ARHGAP12: variants seen among roughly 807,000 people sequenced by gnomAD.
ARHGAP12 encodes the protein rho GTPase-activating protein 12.
ARHGAP12 carries 64 observed loss-of-function variants against 108.6 expected under a neutral mutation model. The ratio of observed to expected loss-of-function variants is 0.59; its 90% CI spans 0.48 to 0.73. The LOEUF (loss-of-function observed/expected upper bound fraction) is 0.73, where lower values mean the gene tolerates loss of function less well. ARHGAP12 is among the 30% of genes least tolerant of loss of function. The pLI is 0.00. For synonymous variants in ARHGAP12, 312 were observed against 337.2 expected (o/e 0.93, Z 0.82); for missense variants, 940 against 1,005.9 (o/e 0.93, Z 0.89).
chr10:31,917,167 T>TG (rs370893394), intron 1 of ARHGAP12, among the ~76,000 whole-genome samples: 7,939 of 151,736 alleles, frequency 0.052, 686 homozygotes, highest in African/African-American at 0.18. Context: ...CCCAGCACTT[T>TG]GGGGGGCTGA....
At chr10:31,900,212 C>T (rs1302454387) in intron 3 of ARHGAP12, among the ~76,000 whole-genome samples, 1 of 152,142 alleles carries the variant, frequency 6.6e-6, no homozygotes, top group Non-Finnish European at 1.5e-5. Context: ...ACTAGTAATA[C>T]CAAATGCTCG....
At chr10:31,861,172 T>G (rs1837098763) in intron 4 of ARHGAP12, among the ~76,000 whole-genome samples, 1 of 152,220 alleles carries the variant, frequency 6.6e-6, no homozygotes, top group South Asian at 2.1e-4. Context: ...AACCCAGTTC[T>G]GGAACTAGTA....
intron 6 of ARHGAP12, among the ~76,000 whole-genome samples, chr10:31,848,386 T>G (rs1055110337): frequency 3.9e-5 from 6 of 152,230 alleles, no homozygotes; most frequent in Non-Finnish European, 7.3e-5. Flanking sequence ...TTGACAGCAT[T>G]CAAAGCATAT....
At chr10:31,838,699 C>T (rs1377872616) in intron 9 of ARHGAP12, among the ~76,000 whole-genome samples, 2 of 151,670 alleles carry the variant, frequency 1.3e-5, no homozygotes, top group Admixed American at 6.6e-5. Context: ...GGTGTTGTGG[C>T]GCATGCCTGT....
intron 1 of ARHGAP12, among the ~76,000 whole-genome samples, chr10:31,928,174 G>GCGCACACA (rs149445215): frequency 4.0e-5 from 6 of 149,296 alleles, no homozygotes; most frequent in Non-Finnish European, 6.0e-5. Context: ...GGCCTTTTGC[G>GCGCACACA]CACACACACA....
chr10:31,892,894 A>C (rs1838512776), intron 3 of ARHGAP12, among the ~76,000 whole-genome samples: 1 of 152,192 alleles, frequency 6.6e-6, no homozygotes, highest in Admixed American at 6.5e-5. Context: ...AATTATAACA[A>C]ACTGTCTCTC....
At chr10:31,919,697 A>T (rs1839709775) in intron 1 of ARHGAP12, among the ~76,000 whole-genome samples, 1 of 151,566 alleles carries the variant, frequency 6.6e-6, no homozygotes. Context: ...AGGCTGAGGC[A>T]GGAGAATGGT....
intron 10 of ARHGAP12, among the ~76,000 whole-genome samples, chr10:31,827,482 C>A (rs899529600): frequency 4.5e-4 from 69 of 152,206 alleles, no homozygotes; most frequent in African/African-American, 1.4e-3. Context: ...TATAGCCAAA[C>A]ATATGGCCAA....
At chr10:31,845,715 G>A (rs559520533) in intron 6 of ARHGAP12, among the ~76,000 whole-genome samples, 1 of 152,244 alleles carries the variant, frequency 6.6e-6, no homozygotes, top group Non-Finnish European at 1.5e-5. Context: ...AATCTGGGAG[G>A]TGGAAGCTGC....
intron 6 of ARHGAP12, among the ~76,000 whole-genome samples, chr10:31,849,834 T>C (rs776579402): frequency 6.6e-6 from 1 of 152,228 alleles, no homozygotes; most frequent in Non-Finnish European, 1.5e-5. Flanking sequence ...TTTGAGGTCT[T>C]GATTCAGTCT....
At chr10:31,819,079 T>C (rs1835314899) in intron 12 of ARHGAP12, among the ~76,000 whole-genome samples, 1 of 151,896 alleles carries the variant, frequency 6.6e-6, no homozygotes, top group Non-Finnish European at 1.5e-5. Context: ...ATTGTAATTA[T>C]CTAATGAGAG....
intron 15 of ARHGAP12, 163 bp downstream of exon 15, chr10:31,812,544 A>G (rs1429740323): frequency 1.1e-5 from 5 of 470,544 alleles, no homozygotes; most frequent in African/African-American, 1.0e-4. Flanking sequence ...TAAACTTTCA[A>G]AAAAACTATT....
intron 3 of ARHGAP12, among the ~76,000 whole-genome samples, chr10:31,898,015 T>A (rs1455242969): frequency 1.3e-5 from 2 of 152,040 alleles, no homozygotes; most frequent in African/African-American, 4.8e-5. Flanking sequence ...TCCCAGCTAC[T>A]TGGGAGGCTG....
intron 1 of ARHGAP12, among the ~76,000 whole-genome samples, chr10:31,920,365 G>C (rs920497865): frequency 2.1e-5 from 3 of 142,774 alleles, no homozygotes; most frequent in Admixed American, 7.6e-5. Flanking sequence ...CAGGAGAATC[G>C]CTTGAACCCA....
chr10:31,841,279 C>T (rs1278478897), intron 7 of ARHGAP12, among the ~76,000 whole-genome samples: 1 of 152,040 alleles, frequency 6.6e-6, no homozygotes, highest in Non-Finnish European at 1.5e-5. Flanking sequence ...CATACACACA[C>T]AGACATACGG....
chr10:31,928,479 C>T (rs1035091535), intron 1 of ARHGAP12, among the ~76,000 whole-genome samples: 1 of 151,312 alleles, frequency 6.6e-6, no homozygotes, highest in African/African-American at 2.4e-5. Context: ...GCGCCTAACC[C>T]CCGCGCCCAG....
intron 3 of ARHGAP12, among the ~76,000 whole-genome samples, chr10:31,890,127 A>G (rs1016123278): frequency 6.6e-6 from 1 of 152,138 alleles, no homozygotes; most frequent in Admixed American, 6.6e-5. Flanking sequence ...TCTGAGCTCC[A>G]TTTCTAGAGG....
At chr10:31,904,801 A>T (rs1466744461) in intron 3 of ARHGAP12, among the ~76,000 whole-genome samples, 1 of 151,866 alleles carries the variant, frequency 6.6e-6, no homozygotes, top group Non-Finnish European at 1.5e-5. Context: ...TAATTTTTGT[A>T]TTTTTTGTGG....
intron 3 of ARHGAP12, among the ~76,000 whole-genome samples, chr10:31,864,979 T>C (rs1257035783): frequency 6.7e-6 from 1 of 148,806 alleles, no homozygotes; most frequent in Non-Finnish European, 1.5e-5. Flanking sequence ...AAACAGGAGT[T>C]AGCCCGGTAA....
Sources: gnomAD v4.1 joint callset for allele counts (sites outside exome capture counted in the v4.1 genomes callset) on GRCh38, gnomAD v4.1.1 for gene constraint, MANE v1.5 for transcripts, NCBI Gene and HGNC (gene_info 2026-07-23, HGNC 2026-07-21) for gene names.